MME: variants seen among roughly 807,000 people sequenced by gnomAD.
MME encodes neprilysin.
A neutral mutation model predicts 113.2 loss-of-function variants in MME; 98 were observed. That is an observed-to-expected ratio of 0.87 (90% CI 0.74 to 1.02). The LOEUF (loss-of-function observed/expected upper bound fraction) is 1.02. Ranked by LOEUF, MME falls within the 50% of genes least tolerant of loss-of-function variation. The probability of loss-of-function intolerance (pLI) is 0.00; values close to 1 mark genes in which losing one functional copy is unlikely to be tolerated. For missense variants in MME, 836 were observed against 896.0 expected (o/e 0.93, Z 0.86); for synonymous variants, 292 against 300.6 (o/e 0.97, Z 0.30).
intron 8 of MME, among the ~76,000 whole-genome samples, chr3:155,126,919 A>G (rs1045544323): frequency 6.6e-6 from 1 of 151,360 alleles, no homozygotes; most frequent in African/African-American, 2.4e-5. Context: ...AGGCAGGAGA[A>G]TCGCTTGAAC....
chr3:155,110,666 C>T (rs1335249513), intron 3 of MME, among the ~76,000 whole-genome samples: 1 of 152,144 alleles, frequency 6.6e-6, no homozygotes, highest in Non-Finnish European at 1.5e-5. Flanking sequence ...CTTTGTGTGA[C>T]CATTTTCTTA....
intron 1 of MME, among the ~76,000 whole-genome samples, chr3:155,057,831 A>G (rs899358730): frequency 1.3e-5 from 2 of 151,994 alleles, no homozygotes; most frequent in Non-Finnish European, 2.9e-5. Flanking sequence ...TGGAGGAGGA[A>G]ATCTTCACTA....
intron 20 of MME, 36 bp downstream of exon 20, chr3:155,168,833 T>C: frequency 6.5e-7 from 1 of 1,533,398 alleles, no homozygotes; most frequent in Middle Eastern, 1.8e-4. Flanking sequence ...TTTTAGTGAT[T>C]TAGAGTGTTT....
At chr3:155,177,016 C>A (rs3773874) in intron 22 of MME, among the ~76,000 whole-genome samples, 14,096 of 151,976 alleles carry the variant, frequency 0.093, 839 homozygotes, top group South Asian at 0.16. Flanking sequence ...TTCTGCAGTG[C>A]CCACTCTCTG....
Position 155,180,378 on chromosome 3 carries a change from G to A in MME, c.2172G>A (p.Gln724=), listed in dbSNP as rs201945617. 1 of 1,613,460 alleles carries A rather than the reference G, an allele frequency of 6.2e-7. No homozygotes were observed. The highest frequency in any genetic ancestry group is 2.2e-5 in the East Asian group (1 of 44,874). ...PGNFRIIGTL[Q]NSAEFSEAFH... ...TTCAAAGGATTATTGGGACTTTGCAGAACTCTGCAGAGTTTTCAGAAGCCT... is the reference window on the plus strand; with the variant it reads ...TTCAAAGGATTATTGGGACTTTGCAAAACTCTGCAGAGTTTTCAGAAGCCT... Residue 724 remains glutamine (Q), a synonymous_variant, in exon 23 of 23, where the codon CAG becomes CAA. Transcript: ENST00000360490.
upstream of MME, chr3:155,079,961 G>GTGTC (rs1196355110): frequency 6.6e-6 from 1 of 152,576 alleles, no homozygotes; most frequent in Non-Finnish European, 1.5e-5. Flanking sequence ...TGGTCGGGAT[G>GTGTC]TGTCGGCTCA....
intron 17 of MME, among the ~76,000 whole-genome samples, chr3:155,160,936 T>G (rs1403152663): frequency 6.6e-6 from 1 of 151,910 alleles, no homozygotes; most frequent in Non-Finnish European, 1.5e-5. Flanking sequence ...CTCCAAGGGG[T>G]TTAGAAAGTT....
Position 155,118,788 on chromosome 3 carries a change from G to A in MME, c.697G>A (p.Glu233Lys). 6.2e-7 allele frequency: 1 copy of A among 1,601,242 alleles called. No individual in the cohort carries two copies. The highest frequency in any genetic ancestry group is 8.5e-7 in the Non-Finnish European group (1 of 1,170,190). Reference protein sequence around the residue: ...RLGLPSRDYYECTGIYKEACT... With the variant: ...RLGLPSRDYYKCTGIYKEACT... ...TGGCCTCCCTTCTAGAGATTACTATGAATGCACTGGAATCTATAAAGAGGT... is the reference window on the plus strand; with the variant it reads ...TGGCCTCCCTTCTAGAGATTACTATAAATGCACTGGAATCTATAAAGAGGT... Residue 233 changes from glutamate (E) to lysine (K), a missense_variant, in exon 8 of 23, where the codon GAA (glutamate) becomes AAA (lysine). Coordinates refer to ENST00000360490, the MANE Select transcript of MME (RefSeq NM_007289.4).
At chr3:155,049,967 G>T (rs1324767160) in intron 1 of MME, among the ~76,000 whole-genome samples, 1 of 151,984 alleles carries the variant, frequency 6.6e-6, no homozygotes, top group Non-Finnish European at 1.5e-5. Context: ...TATTTTTTCT[G>T]ATCTCGTTCC....
Position 155,168,481 on chromosome 3 carries a change from A to T in MME, c.1781-11A>T, listed in dbSNP as rs1306404733. The T allele has an allele frequency of 6.2e-6, 10 of 1,606,254 alleles. No homozygotes were observed. Among genetic ancestry groups the T allele is most frequent in the Non-Finnish European group, 8.5e-6 (10 of 1,174,108 alleles). ...ATGAGTTCCCATTTTACTTAAATAA[A>T]TATATTATAGGCAGAAACTTTAACA... On this transcript the variant is annotated splice_polypyrimidine_tract_variant and intron_variant, in intron 18 of 22. Transcript: ENST00000360490.
chr3:155,153,060 G>A lies in MME; in HGVS notation c.1601+4407G>A, dbSNP rs149323932. ...TTACTTTTTTTTTTTTTTTTAAGACGGAGTCTCACTCTGTCACCCAGGTTG... is the reference window on the plus strand; with the variant it reads ...TTACTTTTTTTTTTTTTTTTAAGACAGAGTCTCACTCTGTCACCCAGGTTG... On this transcript the variant is annotated intron_variant, in intron 16 of 22. Transcript: ENST00000360490. 5.2e-3 allele frequency among the ~76,000 whole-genome samples: 783 copies of A among 149,864 alleles called. 9 individuals carry two copies. Among genetic ancestry groups the A allele is most frequent in the African/African-American group, 0.018 (739 of 40,676 alleles).
chr3:155,032,031 T>C (rs1407535398), intron 1 of MME, among the ~76,000 whole-genome samples: 1 of 152,212 alleles, frequency 6.6e-6, no homozygotes, highest in Admixed American at 6.5e-5. Flanking sequence ...ATTTTCACTA[T>C]TTTAGTTTGG....
At chr3:155,031,198 G>T (rs934353013) in intron 1 of MME, among the ~76,000 whole-genome samples, 14 of 151,968 alleles carry the variant, frequency 9.2e-5, no homozygotes, top group Non-Finnish European at 1.6e-4. Context: ...TATTTAAAGG[G>T]TATCATCTGA....
chr3:155,045,776 CTG>C (rs1184575195), intron 1 of MME, among the ~76,000 whole-genome samples: 1 of 150,912 alleles, frequency 6.6e-6, no homozygotes, highest in Admixed American at 6.6e-5. Context: ...CTTCAACTGA[CTG>C]TGTATAGTTT....
At chr3:155,137,754 A>G (rs1227863873) in intron 8 of MME, among the ~76,000 whole-genome samples, 2 of 152,162 alleles carry the variant, frequency 1.3e-5, no homozygotes, top group African/African-American at 4.8e-5. Context: ...TTATTCAGCG[A>G]AAAAATTAGT....
chr3:155,117,442 C>T (rs1472447257), intron 7 of MME, among the ~76,000 whole-genome samples: 1 of 152,044 alleles, frequency 6.6e-6, no homozygotes, highest in Non-Finnish European at 1.5e-5. Context: ...TTTTTCTCAA[C>T]TAAAGGTAAA....
At chr3:155,114,380 TG>T in intron 3 of MME, among the ~76,000 whole-genome samples, 1 of 152,316 alleles carries the variant, frequency 6.6e-6, no homozygotes, top group East Asian at 1.9e-4. Flanking sequence ...AAGATAAAAG[TG>T]GACCTAAGAA....
At position 155,092,723 on chromosome 3, in the gene MME, CATT is replaced by C. The variant is rs531637551; in HGVS notation, c.196+7632_196+7634del. On this transcript the variant is annotated intron_variant, in intron 3 of 22. Transcript: ENST00000360490. ...CAATGGTGTAGATAAACATCAAAAA[CATT>C]ATGCTGAGTGAAATAAGCCAGACAC... is the stretch of plus-strand genomic sequence containing the variant. Among the ~76,000 whole-genome samples the C allele has an allele frequency of 4.8e-3, 734 of 152,224 alleles. 7 individuals carry two copies. Among genetic ancestry groups the C allele is most frequent in the Non-Finnish European group, 7.2e-3 (491 of 68,010 alleles).
chr3:155,135,296 T>G lies in MME; in HGVS notation c.721-2806T>G, dbSNP rs574724501. The stretch of plus-strand genomic sequence containing the variant: ...CTTACATTTAAATCTTTAATCCATC[T>G]TGAGGTAATTTTTGTGTATGATGAA... On this transcript the variant is annotated intron_variant, in intron 8 of 22. Transcript: ENST00000360490. 5.9e-5 allele frequency among the ~76,000 whole-genome samples: 9 copies of G among 152,312 alleles called. No individual in the cohort carries two copies. In the East Asian group the frequency reaches 1.7e-3, roughly 29 times the overall value.
Sources: allele counts gnomAD v4.1 joint callset (sites outside exome capture counted in the v4.1 genomes callset), GRCh38; gene constraint gnomAD v4.1.1; transcripts MANE v1.5; gene names NCBI Gene and HGNC (gene_info 2026-07-23, HGNC 2026-07-21).